The following CD99 variants were observed in gnomAD, a reference collection of about 807,000 sequenced individuals.
The protein encoded by CD99 is CD99 molecule (Xg blood group).
CD99 carries 19 observed loss-of-function variants against 28.4 expected under a neutral mutation model. The observed-to-expected ratio is 0.67, with a 90% CI of 0.47 to 0.98. CD99 has a LOEUF of 0.98. Among genes scored for constraint, CD99 ranks in the 50% least tolerant of loss-of-function variants. The pLI is 0.00. For synonymous variants in CD99, 103 were observed against 92.1 expected, an observed-to-expected ratio of 1.12 and a Z score of -0.67; for missense variants, 283 against 248.8, an observed-to-expected ratio of 1.14 and a Z score of -0.92.
At chrX:2,734,301 C>G (rs1178103940) in intron 8 of CD99, among the ~76,000 whole-genome samples, 8 of 137,390 alleles carry the variant, frequency 5.8e-5, no homozygotes, top group Middle Eastern at 3.3e-3. Context: ...TCTTACTTTT[C>G]TTCTTTTTTC....
chrX:2,691,335 C>G lies in CD99; in HGVS notation c.-26C>G. On this transcript the variant is annotated 5_prime_UTR_variant, in exon 1 of 10. Transcript: ENST00000381192. The stretch of plus-strand genomic sequence containing the variant: ...TTCGCCCACGCCCTGCACTCCGGGA[C>G]CGTCCCTGCGCGCTCTGGGCGCACC... 1 of 1,540,580 alleles carries G rather than the reference C, an allele frequency of 6.5e-7. No homozygotes were observed. Among genetic ancestry groups the G allele is most frequent in the Non-Finnish European group, 8.7e-7 (1 of 1,153,052 alleles).
chrX:2,715,982 G>C (rs887226407), intron 2 of CD99, among the ~76,000 whole-genome samples: 5 of 151,820 alleles, frequency 3.3e-5, no homozygotes, highest in African/African-American at 1.2e-4. Flanking sequence ...GTGGATCTTG[G>C]AGGAATGCTT....
At chrX:2,700,987 A>G (rs1297078154) in intron 1 of CD99, among the ~76,000 whole-genome samples, 2 of 147,278 alleles carry the variant, frequency 1.4e-5, no homozygotes, top group Non-Finnish European at 3.0e-5. Flanking sequence ...CCACTTAACT[A>G]CCCATCCATC....
chrX:2,693,134 T>G (rs945178564), intron 1 of CD99, among the ~76,000 whole-genome samples: 2 of 148,288 alleles, frequency 1.3e-5, no homozygotes, highest in African/African-American at 5.1e-5. Context: ...TTTTTTTGTT[T>G]TTGTTGGTGG....
chrX:2,706,230 G>A (rs1422996512), intron 1 of CD99, among the ~76,000 whole-genome samples: 2 of 152,004 alleles, frequency 1.3e-5, no homozygotes, highest in African/African-American at 2.4e-5. Flanking sequence ...CGTGGTGGTG[G>A]GCACCTGTAG....
At chrX:2,720,062 T>C (rs2048920853) in intron 4 of CD99, among the ~76,000 whole-genome samples, 1 of 152,198 alleles carries the variant, frequency 6.6e-6, no homozygotes, top group South Asian at 2.1e-4. Flanking sequence ...GCCGCCATCT[T>C]GGAATACTTA....
At chrX:2,712,402 C>T (rs2048449446) in intron 1 of CD99, among the ~76,000 whole-genome samples, 2 of 147,450 alleles carry the variant, frequency 1.4e-5, no homozygotes, top group South Asian at 2.2e-4. Flanking sequence ...AATAAATAGG[C>T]GAGGTAAGAT....
At chrX:2,727,409 T>G in intron 8 of CD99, 4 of 758,744 alleles carry the variant, frequency 5.3e-6, no homozygotes, top group Non-Finnish European at 9.8e-6. Context: ...TACATTTAGC[T>G]CTTGCCTTCC....
At position 2,726,369 on chromosome X, in the gene CD99, A is replaced by G. The variant is rs1321534470; in HGVS notation, c.471A>G (p.Glu157=). ...AYQKKKLCFK[E]NAEQGEVDME... The stretch of plus-strand genomic sequence containing the variant: ...AGAAAAAGAAGCTATGCTTCAAAGA[A>G]AATGGTAAGTCTCAGTCCGCCGGTG... Residue 157 remains glutamate, a synonymous_variant, in exon 8 of 10, where the codon GAA becomes GAG. Transcript: ENST00000381192. The G allele has an allele frequency of 6.3e-7, 1 of 1,595,818 alleles. No homozygotes were observed. Among genetic ancestry groups the G allele is most frequent in the Admixed American group, 1.7e-5 (1 of 59,982 alleles).
At chrX:2,710,187 A>G (rs1261658609) in intron 1 of CD99, among the ~76,000 whole-genome samples, 2 of 151,938 alleles carry the variant, frequency 1.3e-5, no homozygotes, top group South Asian at 2.1e-4. Flanking sequence ...TAGTTTTACC[A>G]CTGTGTTCCG....
intron 8 of CD99, among the ~76,000 whole-genome samples, chrX:2,732,411 T>C (rs2049666957): frequency 1.3e-5 from 2 of 152,148 alleles, no homozygotes; most frequent in African/African-American, 4.8e-5. Flanking sequence ...CTTGAGGCTT[T>C]GGCAAGATGG....
intron 7 of CD99, among the ~76,000 whole-genome samples, chrX:2,725,996 C>G (rs1480100678): frequency 6.6e-6 from 1 of 152,180 alleles, no homozygotes; most frequent in Non-Finnish European, 1.5e-5. Context: ...GCTGGCCTCT[C>G]TTCATGTCTC....
chrX:2,724,623 G>T (rs1003091426), intron 7 of CD99, among the ~76,000 whole-genome samples: 8 of 152,066 alleles, frequency 5.3e-5, no homozygotes, highest in Non-Finnish European at 8.8e-5. Flanking sequence ...ACAAAAATTA[G>T]GCCAGGTGTG....
chrX:2,709,926 C>G (rs1345026903), intron 1 of CD99, among the ~76,000 whole-genome samples: 3 of 151,984 alleles, frequency 2.0e-5, no homozygotes, highest in South Asian at 2.1e-4. Context: ...CCCCTGAGGC[C>G]CAGGGACAGA....
Position 2,741,215 on chromosome X carries a change from A to C in CD99, c.*411A>C, listed in dbSNP as rs1446958087. 1 of 197,470 alleles carries C rather than the reference A, an allele frequency of 5.1e-6. No individual in the cohort carries two copies. Among genetic ancestry groups the C allele is most frequent in the Admixed American group, 5.9e-5 (1 of 16,962 alleles). 12.2% of individuals were successfully genotyped at this position (197,470 alleles called of 1,614,324 possible). ...GCCCCGACTTCTTTTTAATTAAAAT[A>C]AGGTAAGCCCTTCAATTTGTTTCTT... On this transcript the variant is annotated 3_prime_UTR_variant, in exon 10 of 10. Coordinates refer to ENST00000381192, the MANE Select transcript of CD99 (RefSeq NM_002414.5).
At chrX:2,736,900 T>C (rs2049972635) in intron 8 of CD99, among the ~76,000 whole-genome samples, 1 of 150,782 alleles carries the variant, frequency 6.6e-6, no homozygotes. Context: ...AATAAATAAA[T>C]TTGGGAATGG....
chrX:2,715,930 C>T (rs995487372), intron 2 of CD99, among the ~76,000 whole-genome samples: 1 of 152,120 alleles, frequency 6.6e-6, no homozygotes, highest in Non-Finnish European at 1.5e-5. Flanking sequence ...CTGCAAAGAC[C>T]CTGTTTCCAA....
intron 8 of CD99, among the ~76,000 whole-genome samples, chrX:2,729,655 C>T (rs1034759776): frequency 8.5e-5 from 13 of 152,100 alleles, no homozygotes; most frequent in African/African-American, 2.9e-4. Context: ...ACCCAGGAGG[C>T]TTAATAGACT....
chrX:2,719,048 A>G (rs764562558), intron 3 of CD99: 1 of 153,856 alleles, frequency 6.5e-6, no homozygotes, highest in East Asian at 1.9e-4. Flanking sequence ...ATGGCTCAGT[A>G]CATGCTGTTG....
Sources: allele counts gnomAD v4.1 joint callset (sites outside exome capture counted in the v4.1 genomes callset), GRCh38; gene constraint gnomAD v4.1.1; transcripts MANE v1.5; gene names NCBI Gene and HGNC (gene_info 2026-07-23, HGNC 2026-07-21).